IFNAR2: variants seen among roughly 807,000 people sequenced by gnomAD.
IFNAR2 encodes the protein interferon alpha/beta receptor 2.
IFNAR2 carries 30 observed loss-of-function variants against 49.4 expected under a neutral mutation model. The ratio of observed to expected loss-of-function variants is 0.61; its 90% CI spans 0.45 to 0.82. The LOEUF (loss-of-function observed/expected upper bound fraction) is 0.82, where lower values mean the gene tolerates loss of function less well. Among genes scored for constraint, IFNAR2 ranks in the 40% least tolerant of loss-of-function variants. The pLI is 0.00. For missense variants in IFNAR2, 600 were observed against 622.7 expected, an observed-to-expected ratio of 0.96 and a Z score of 0.39; for synonymous variants, 224 against 234.5, an observed-to-expected ratio of 0.96 and a Z score of 0.41.
chr21:33,241,133 A>G (rs1986890264), intron 1 of IFNAR2, among the ~76,000 whole-genome samples: 1 of 152,200 alleles, frequency 6.6e-6, no homozygotes, highest in African/African-American at 2.4e-5. Context: ...AAAAGCCCAA[A>G]TTTCACCACT....
chr21:33,247,513 G>C, intron 5 of IFNAR2, among the ~76,000 whole-genome samples: 1 of 151,966 alleles, frequency 6.6e-6, no homozygotes, highest in East Asian at 1.9e-4. Context: ...GCCTGCCAAG[G>C]TGCTGAGGTT....
At chr21:33,231,506 TG>T (rs747618968) in intron 1 of IFNAR2, among the ~76,000 whole-genome samples, 8 of 152,190 alleles carry the variant, frequency 5.3e-5, no homozygotes, top group Non-Finnish European at 1.2e-4. Context: ...TTGACAATGG[TG>T]ATTTGTCTAA....
chr21:33,249,028 C>G (rs1379626197), intron 6 of IFNAR2, among the ~76,000 whole-genome samples, 174 bp downstream of exon 6: 1 of 152,172 alleles, frequency 6.6e-6, no homozygotes, highest in Non-Finnish European at 1.5e-5. Context: ...TGATCTAAAC[C>G]TGCAGCACAG....
At chr21:33,244,389 CTTCAGCAT>C in intron 3 of IFNAR2, among the ~76,000 whole-genome samples, 1 of 152,318 alleles carries the variant, frequency 6.6e-6, no homozygotes, top group East Asian at 1.9e-4. Flanking sequence ...ATAGTGCCTA[CTTCAGCAT>C]TGTTGTGGGG....
Position 33,243,737 on chromosome 21 carries a change from A to C in IFNAR2, c.97+23A>C, listed in dbSNP as rs990305996. ...CTGGTAAGAGATGTTTTTTGGCTTC[A>C]CTAAATTTTGTATAAGAGTGAAAGT... On this transcript the variant is annotated intron_variant, in intron 3 of 8. Coordinates refer to ENST00000342136, the MANE Select transcript of IFNAR2 (RefSeq NM_001289125.3). The C allele has an allele frequency of 3.8e-6, 6 of 1,589,018 alleles. No individual in the cohort carries two copies. The East Asian group carries it at 1.1e-4, about 30-fold the overall frequency.
Position 33,230,237 on chromosome 21 carries a change from C to T in IFNAR2, c.-84+21C>T. On this transcript the variant is annotated intron_variant, in intron 1 of 8. Transcript: ENST00000342136. The surrounding 1 kb of genome is among the most constrained non-coding windows in gnomAD (Gnocchi z 5.5). Reference sequence around the variant, plus strand: ...CAAAGGTAACGCAGCGTGGCGGGGTCGCGGGAGCGGAGCGCGTGGCCAGCT... The same window carrying T: ...CAAAGGTAACGCAGCGTGGCGGGGTTGCGGGAGCGGAGCGCGTGGCCAGCT... The T allele has an allele frequency of 9.1e-7, 1 of 1,095,386 alleles. No individual in the cohort carries two copies. Among genetic ancestry groups the T allele is most frequent in the South Asian group, 2.0e-5 (1 of 50,008 alleles). The allele number at this position is 1,095,386 out of a possible 1,614,324, so 67.9% of individuals were successfully genotyped here. A position where few individuals can be genotyped will look rare whatever the true frequency, so the allele number is the denominator to read the frequency against.
rs947252078 is a variant in IFNAR2, at chr21:33,263,665, A to G, written c.*165A>G. On this transcript the variant is annotated 3_prime_UTR_variant, in exon 9 of 9. Transcript: ENST00000342136. ...GACATCACCTATGCACATTCCCAGT[A>G]TGGGGACCATAGTATCATTCAGTGC... 7 of 626,258 alleles carry G rather than the reference A, an allele frequency of 1.1e-5. No individual in the cohort carries two copies. The highest frequency in any genetic ancestry group is 1.9e-5 in the Non-Finnish European group (7 of 362,298). 38.8% of individuals were successfully genotyped at this position (626,258 alleles called of 1,614,324 possible). A position where few individuals can be genotyped will look rare whatever the true frequency, so the allele number is the denominator to read the frequency against.
chr21:33,237,366 T>TAA (rs568929282), intron 1 of IFNAR2, among the ~76,000 whole-genome samples: 67 of 146,536 alleles, frequency 4.6e-4, no homozygotes, highest in African/African-American at 1.6e-3. Flanking sequence ...GCCCCATCTC[T>TAA]AAAAAAAAAA....
At chr21:33,261,956 T>A (rs1988595409) in intron 8 of IFNAR2, among the ~76,000 whole-genome samples, 1 of 152,178 alleles carries the variant, frequency 6.6e-6, no homozygotes, top group Non-Finnish European at 1.5e-5. Context: ...GAACATAGTC[T>A]ATGTGGCCAG....
intron 1 of IFNAR2, among the ~76,000 whole-genome samples, 174 bp from the exon 2 acceptor site, chr21:33,241,666 C>T (rs185586675): frequency 6.6e-5 from 10 of 152,044 alleles, no homozygotes; most frequent in Admixed American, 2.0e-4. Flanking sequence ...TTGAACCCAA[C>T]GACTGTTGCC....
At chr21:33,260,550 GT>G (rs1988494114) in intron 7 of IFNAR2, 46 bp from the exon 8 acceptor site, 1 of 1,547,796 alleles carries the variant, frequency 6.5e-7, no homozygotes, top group African/African-American at 1.4e-5. Flanking sequence ...ATCTGCAATT[GT>G]TTATTGCATT....
At chr21:33,241,149 A>G (rs1326637113) in intron 1 of IFNAR2, among the ~76,000 whole-genome samples, 1 of 152,194 alleles carries the variant, frequency 6.6e-6, no homozygotes. Context: ...CCACTATGCA[A>G]TATATCTATC....
intron 7 of IFNAR2, among the ~76,000 whole-genome samples, chr21:33,254,628 C>G (rs534364357): frequency 6.6e-6 from 1 of 152,166 alleles, no homozygotes; most frequent in Non-Finnish European, 1.5e-5. Context: ...CCGTGGCCTC[C>G]GCAACCCTTT....
rs753216006 is a variant in IFNAR2 at position 33,260,589 on chromosome 21, A to T, written c.710-8A>T. ...TTGAAATAAAGTCATTTAATTTTTCATCAACAGAATCAGCAGAATCTGCCA... is the reference window on the plus strand; with the variant it reads ...TTGAAATAAAGTCATTTAATTTTTCTTCAACAGAATCAGCAGAATCTGCCA... On this transcript the variant is annotated splice_region_variant and splice_polypyrimidine_tract_variant and intron_variant, in intron 7 of 8. Transcript: ENST00000342136. The T allele has an allele frequency of 6.4e-7, 1 of 1,574,530 alleles. No individual in the cohort carries two copies. The highest frequency in any genetic ancestry group is 8.6e-7 in the Non-Finnish European group (1 of 1,167,884).
At chr21:33,254,327 A>G (rs1988067174) in intron 7 of IFNAR2, among the ~76,000 whole-genome samples, 1 of 152,218 alleles carries the variant, frequency 6.6e-6, no homozygotes, top group Non-Finnish European at 1.5e-5. Context: ...GACTGACAAA[A>G]AGATGCTTTG....
chr21:33,240,815 A>C (rs1256371252), intron 1 of IFNAR2, among the ~76,000 whole-genome samples: 1 of 27,812 alleles, frequency 3.6e-5, no homozygotes, highest in African/African-American at 1.1e-4. Context: ...GACCCGTCTC[A>C]AAAAAAAAAA....
In IFNAR2 at chr21:33,230,091, C is replaced by T. The variant is rs1985920945; in HGVS notation, c.-209C>T. On this transcript the variant is annotated 5_prime_UTR_variant, in exon 1 of 9. Transcript: ENST00000342136. This position sits in a 1 kb window ranked among gnomAD's most constrained non-coding sequence, Gnocchi z 5.5. Reference sequence around the variant, plus strand: ...GCACGGGCCGCTTTTGTCCCCCGCCCGCCGCTTCTGTCCGAGAGGCCGCCC... The same window carrying T: ...GCACGGGCCGCTTTTGTCCCCCGCCTGCCGCTTCTGTCCGAGAGGCCGCCC... 2 of 988,200 alleles carry T rather than the reference C, an allele frequency of 2.0e-6. No individual in the cohort carries two copies. The highest frequency in any genetic ancestry group is 1.2e-6 in the Non-Finnish European group (1 of 831,194). The allele number at this position is 988,200 out of a possible 1,614,324, so 61.2% of individuals were successfully genotyped here. A position where few individuals can be genotyped will look rare whatever the true frequency, so the allele number is the denominator to read the frequency against.
intron 1 of IFNAR2, among the ~76,000 whole-genome samples, chr21:33,237,078 G>GGTGGGGGTGTGTGT (rs57276350): frequency 2.0e-4 from 29 of 147,698 alleles, no homozygotes; most frequent in East Asian, 1.2e-3. Flanking sequence ...GGGAGAATGG[G>GGTGGGGGTGTGTGT]GTGTGTGTGT....
chr21:33,247,771 T>G (rs1317056758), intron 5 of IFNAR2, among the ~76,000 whole-genome samples: 1 of 152,246 alleles, frequency 6.6e-6, no homozygotes, highest in East Asian at 1.9e-4. Context: ...TTTCCCACTT[T>G]ACAACGAGTT....
Sources: gnomAD v4.1 joint callset for allele counts (sites outside exome capture counted in the v4.1 genomes callset) on GRCh38, gnomAD v4.1.1 for gene constraint, Gnocchi (gnomAD v3.1) non-coding constraint, MANE v1.5 for transcripts, NCBI Gene and HGNC (gene_info 2026-07-23, HGNC 2026-07-21) for gene names.